The following NUP50 variants were observed in gnomAD, a reference collection of about 807,000 sequenced individuals.
NUP50 encodes the protein nucleoporin 50, also known as nuclear pore complex protein Nup50.
A neutral mutation model predicts 36.8 loss-of-function variants in NUP50; 14 were observed. That is an observed-to-expected ratio of 0.38 (90% confidence interval 0.25 to 0.59). The LOEUF (loss-of-function observed/expected upper bound fraction) is 0.59, where lower values mean the gene tolerates loss of function less well. Ranked by LOEUF, NUP50 falls within the 20% of genes least tolerant of loss-of-function variation. NUP50 has a pLI of 0.63. For missense variants in NUP50, 455 were observed against 564.6 expected, an observed-to-expected ratio of 0.81 and a Z score of 1.97; for synonymous variants, 195 against 210.8, an observed-to-expected ratio of 0.93 and a Z score of 0.65.
At chr22:45,169,206 A>C (rs898495346) in intron 2 of NUP50, among the ~76,000 whole-genome samples, 23 of 152,234 alleles carry the variant, frequency 1.5e-4, no homozygotes, top group Admixed American at 3.3e-4. Context: ...CCAACCCCCC[A>C]AAAAATTGTT....
At chr22:45,168,542 C>T (rs192408524) in intron 2 of NUP50, among the ~76,000 whole-genome samples, 1 of 152,286 alleles carries the variant, frequency 6.6e-6, no homozygotes, top group East Asian at 1.9e-4. Context: ...GTTTCGTATA[C>T]TTGAAGCATT....
At chr22:45,169,875 C>T (rs954308416) in intron 2 of NUP50, among the ~76,000 whole-genome samples, 1 of 152,226 alleles carries the variant, frequency 6.6e-6, no homozygotes, top group Non-Finnish European at 1.5e-5. Flanking sequence ...TGCCAGTAGT[C>T]ATCCAGAGGC....
chr22:45,173,640 C>T (rs566166857), intron 3 of NUP50, among the ~76,000 whole-genome samples: 8 of 151,950 alleles, frequency 5.3e-5, no homozygotes, highest in Non-Finnish European at 1.0e-4. Context: ...TGGGAATGGG[C>T]GACAGGAGGC....
chr22:45,173,631 GGGAATGGGCGACA>G (rs1362269013), intron 3 of NUP50, among the ~76,000 whole-genome samples: 5 of 152,156 alleles, frequency 3.3e-5, no homozygotes, highest in Non-Finnish European at 7.3e-5. Flanking sequence ...TTGAGGCCAT[GGGAATGGGCGACA>G]GGAGGCATGC....
intron 4 of NUP50, 98 bp downstream of exon 4, chr22:45,176,178 CTG>C (rs2074274310): frequency 3.0e-6 from 4 of 1,317,424 alleles, no homozygotes; most frequent in Admixed American, 2.5e-5. Context: ...TGTCTTGGAA[CTG>C]TGTGAGCAAA....
chr22:45,171,858 A>G, intron 3 of NUP50, 175 bp downstream of exon 3: 1 of 556,256 alleles, frequency 1.8e-6, no homozygotes. Flanking sequence ...GACCTTAAAG[A>G]GAGCTTATCC....
chr22:45,180,259 C>T (rs12483881), intron 5 of NUP50: 18,313 of 152,270 alleles, frequency 0.12, 1,455 homozygotes, highest in Middle Eastern at 0.19. Context: ...AGGGATAAGA[C>T]GGACAGTCGT....
At chr22:45,169,873 G>A (rs1314417298) in intron 2 of NUP50, among the ~76,000 whole-genome samples, 1 of 152,198 alleles carries the variant, frequency 6.6e-6, no homozygotes, top group African/African-American at 2.4e-5. Flanking sequence ...CTTGCCAGTA[G>A]TCATCCAGAG....
intron 3 of NUP50, among the ~76,000 whole-genome samples, chr22:45,172,558 C>G (rs548938721): frequency 6.6e-6 from 1 of 152,084 alleles, no homozygotes; most frequent in Non-Finnish European, 1.5e-5. Context: ...TACTTACTTT[C>G]CTGAGCGTTC....
rs989523707 is a variant in NUP50 at position 45,186,035 on chromosome 22, TAC to T, written c.*1382_*1383del. 6 of 152,254 alleles carry T rather than the reference TAC, an allele frequency of 3.9e-5. No homozygotes were observed. The highest frequency in any genetic ancestry group is 7.2e-5 in the African/African-American group (3 of 41,470). 9.4% of individuals were successfully genotyped at this position (152,254 alleles called of 1,614,324 possible). On this transcript the variant is annotated 3_prime_UTR_variant, in exon 8 of 8. Coordinates refer to ENST00000347635, the MANE Select transcript of NUP50 (RefSeq NM_007172.4). ...GGACGGTACAGTGGCTTTTTAAAAC[TAC>T]AGTCTTTAGGTGTAAGGTTTGGCGC...
chr22:45,165,580 T>TC lies in NUP50; in HGVS notation c.-11+1291dup, dbSNP rs201557514. On this transcript the variant is annotated intron_variant, in intron 1 of 7. Transcript: ENST00000347635. ...TGAATATTTTACAGAGGGTTTTTTC[T>TC]CCCCCCCACTTCTAGCATAAAAGTA... Among the ~76,000 whole-genome samples the TC allele has an allele frequency of 7.8e-3, 1,189 of 152,068 alleles. 9 individuals are homozygous for TC. Among genetic ancestry groups the TC allele is most frequent in the African/African-American group, 0.026 (1,062 of 41,472 alleles).
chr22:45,167,500 A>C (rs78140850), intron 1 of NUP50, among the ~76,000 whole-genome samples: 445 of 152,312 alleles, frequency 2.9e-3, no homozygotes, highest in Middle Eastern at 0.014. Flanking sequence ...CGTATTGAAG[A>C]GTTAAGCCAA....
Position 45,182,879 on chromosome 22 carries a change from C to G in NUP50, c.1086-523C>G, listed in dbSNP as rs557382393. Among the ~76,000 whole-genome samples, 7 of 151,794 alleles carry G rather than the reference C, an allele frequency of 4.6e-5. No homozygotes were observed. In the South Asian group the frequency reaches 6.2e-4, roughly 14 times the overall value. ...GACCTCATGATCTGCCTGCCTCGGC[C>G]TCCCAAAGTGCTGGGATACAGGCGT... On this transcript the variant is annotated intron_variant, in intron 6 of 7. Transcript: ENST00000347635.
intron 2 of NUP50, among the ~76,000 whole-genome samples, chr22:45,168,790 C>T (rs1397326639): frequency 6.6e-6 from 1 of 151,990 alleles, no homozygotes; most frequent in Non-Finnish European, 1.5e-5. Flanking sequence ...TGGCCTAGTT[C>T]CTTTTCCAGC....
At chr22:45,164,784 G>C (rs1270851057) in intron 1 of NUP50, 1 of 152,530 alleles carries the variant, frequency 6.6e-6, no homozygotes. Context: ...GGCTGTCCTG[G>C]CGTGGTCTTC....
intron 2 of NUP50, among the ~76,000 whole-genome samples, chr22:45,170,645 T>C (rs1371969012): frequency 6.6e-6 from 1 of 152,188 alleles, no homozygotes; most frequent in Non-Finnish European, 1.5e-5. Flanking sequence ...AAAACTGATT[T>C]GGTGCTTTTT....
chr22:45,184,059 G>C (rs958448529), intron 7 of NUP50: 4 of 222,142 alleles, frequency 1.8e-5, no homozygotes. Context: ...TTTTGCCCAG[G>C]GAGCTGTGCC....
intron 3 of NUP50, among the ~76,000 whole-genome samples, chr22:45,174,456 C>T (rs902189429): frequency 6.6e-6 from 1 of 152,188 alleles, no homozygotes; most frequent in African/African-American, 2.4e-5. Flanking sequence ...GTATTATAGG[C>T]ATGAGCCACC....
rs1308322183 is a variant in NUP50, at chr22:45,178,449, A to G, written c.552A>G (p.Thr184=). The part of the protein sequence containing the change: ...HVNTNPLCDL[T]PIFKDYEKYL... ...ATACAAACCCCCTCTGTGATCTGACACCTATCTTTAAAGACTATGAGAAAT... is the reference window on the plus strand; with the variant it reads ...ATACAAACCCCCTCTGTGATCTGACGCCTATCTTTAAAGACTATGAGAAAT... Residue 184 remains threonine (T), a synonymous_variant, in exon 5 of 8, where the codon ACA becomes ACG. Coordinates refer to ENST00000347635, the MANE Select transcript of NUP50 (RefSeq NM_007172.4). 1.2e-6 allele frequency: 2 copies of G among 1,613,452 alleles called. No homozygotes were observed. The highest frequency in any genetic ancestry group is 1.3e-5 in the African/African-American group (1 of 74,890).
Sources: allele counts gnomAD v4.1 joint callset (sites outside exome capture counted in the v4.1 genomes callset), GRCh38; gene constraint gnomAD v4.1.1; transcripts MANE v1.5; gene names NCBI Gene and HGNC (gene_info 2026-07-23, HGNC 2026-07-21).